Variants in SUFU observed in about 807,000 individuals in gnomAD.
SUFU encodes suppressor of fused homolog.
Under a neutral mutation model 58.9 loss-of-function variants are expected in SUFU, and 7 were observed. The observed-to-expected ratio is 0.12, with a 90% CI of 0.07 to 0.22. The LOEUF (loss-of-function observed/expected upper bound fraction) is 0.22. Among genes scored for constraint, SUFU ranks in the 10% least tolerant of loss-of-function variants. The pLI is 1.00. For missense variants in SUFU, 451 were observed against 641.3 expected (o/e 0.70, Z 3.20); for synonymous variants, 232 against 254.8 (o/e 0.91, Z 0.85).
intron 2 of SUFU, among the ~76,000 whole-genome samples, chr10:102,528,961 C>CTT (rs33942579): frequency 0.23 from 29,889 of 130,928 alleles, 3,627 homozygotes; most frequent in South Asian, 0.32. Flanking sequence ...TTTTTCCTTT[C>CTT]TTTTTTTTTT....
chr10:102,592,286 A>G (rs2063410555), intron 3 of SUFU, among the ~76,000 whole-genome samples: 1 of 152,178 alleles, frequency 6.6e-6, no homozygotes, highest in East Asian at 1.9e-4. Flanking sequence ...GAGTCGGGAT[A>G]TTGGGGAAGC....
At chr10:102,559,568 T>A (rs2063014838) in intron 3 of SUFU, among the ~76,000 whole-genome samples, 1 of 152,236 alleles carries the variant, frequency 6.6e-6, no homozygotes, top group South Asian at 2.1e-4. Flanking sequence ...ATCAGTAACT[T>A]CACCAGTAGA....
rs976251995 is a variant in SUFU at position 102,630,405 on chromosome 10, C to A, written c.*250C>A. On this transcript the variant is annotated 3_prime_UTR_variant, in exon 12 of 12. Transcript: ENST00000369902. ...CATCAGGCCAGTGAGTGGGCAAATG[C>A]GGACCCTCCCTGCCTGCAGCCTGCA... 1.8e-6 allele frequency: 1 copy of A among 550,760 alleles called. No individual in the cohort carries two copies. 34.1% of individuals were successfully genotyped at this position (550,760 alleles called of 1,614,324 possible).
At chr10:102,535,355 A>G (rs369282300) in intron 2 of SUFU, among the ~76,000 whole-genome samples, 18 of 152,108 alleles carry the variant, frequency 1.2e-4, no homozygotes, top group South Asian at 8.3e-4. Flanking sequence ...GCATGGTGGC[A>G]CACGCCTGTA....
chr10:102,509,389 C>G, intron 2 of SUFU, 86 bp downstream of exon 2: 22 of 1,561,724 alleles, frequency 1.4e-5, no homozygotes, highest in Non-Finnish European at 1.7e-5. Flanking sequence ...GTGCTGTGAG[C>G]ATGGTACTTC....
chr10:102,624,638 A>G (rs1216011195), intron 10 of SUFU, among the ~76,000 whole-genome samples: 2 of 152,024 alleles, frequency 1.3e-5, no homozygotes, highest in African/African-American at 4.8e-5. Context: ...CCCTCCCCCA[A>G]CCGAGTCCAA....
intron 2 of SUFU, among the ~76,000 whole-genome samples, chr10:102,513,725 G>A (rs1411798365): frequency 1.3e-5 from 2 of 152,080 alleles, no homozygotes; most frequent in Non-Finnish European, 2.9e-5. Context: ...AGCCTGACGC[G>A]GTACCAACAA....
chr10:102,593,662 A>C lies in SUFU; in HGVS notation c.624A>C (p.Leu208=), dbSNP rs761722899. 1 of 1,614,170 alleles carries C rather than the reference A, an allele frequency of 6.2e-7. No individual in the cohort carries two copies. Among genetic ancestry groups the C allele is most frequent in the Non-Finnish European group, 8.5e-7 (1 of 1,180,012 alleles). The part of the protein sequence containing the change: ...LQIVGVCTEE[L]HSAQQWNGQG... ...TCGTTGGTGTCTGCACTGAAGAGCTACACTCAGCCCAGCAGTGGAACGGGC... is the reference window on the plus strand; with the variant it reads ...TCGTTGGTGTCTGCACTGAAGAGCTCCACTCAGCCCAGCAGTGGAACGGGC... The change falls in exon 5 of 12, where the codon CTA becomes CTC. Residue 208 remains leucine (L), a synonymous_variant. Transcript: ENST00000369902.
chr10:102,621,224 G>A (rs2063737496), intron 10 of SUFU, among the ~76,000 whole-genome samples: 1 of 152,192 alleles, frequency 6.6e-6, no homozygotes, highest in Admixed American at 6.5e-5. Flanking sequence ...CTCCTTCCAC[G>A]GGTGAACCCA....
chr10:102,610,678 TG>T (rs1313446680), intron 8 of SUFU, among the ~76,000 whole-genome samples: 1 of 152,206 alleles, frequency 6.6e-6, no homozygotes, highest in Non-Finnish European at 1.5e-5. Flanking sequence ...AATCAAAGCC[TG>T]GGATGAGAAC....
At chr10:102,519,137 C>CAA (rs386372286) in intron 2 of SUFU, among the ~76,000 whole-genome samples, 42,861 of 86,134 alleles carry the variant, frequency 0.5, 10,037 homozygotes, top group Middle Eastern at 0.6. Context: ...GACTCTGTCT[C>CAA]AAAAAAAAAA....
At position 102,628,898 on chromosome 10, in the gene SUFU, G is replaced by A. The variant is rs574168788; in HGVS notation, c.1366-1168G>A. ...GGGCCGGGCGCAGTGACTCATGTCT[G>A]TAATCCCAGCACTTTGGGAGGCCGA... On this transcript the variant is annotated intron_variant, in intron 11 of 11. Transcript: ENST00000369902. The surrounding 1 kb of genome is among the most constrained non-coding windows in gnomAD (Gnocchi z 4.5). Among the ~76,000 whole-genome samples the A allele has an allele frequency of 2.0e-5, 3 of 152,220 alleles. No individual in the cohort carries two copies. In the South Asian group the frequency reaches 6.2e-4, roughly 32 times the overall value.
At chr10:102,545,368 A>G (rs1429087965) in intron 2 of SUFU, among the ~76,000 whole-genome samples, 1 of 147,010 alleles carries the variant, frequency 6.8e-6, no homozygotes, top group Admixed American at 7.0e-5. Flanking sequence ...TCCTCGGCTC[A>G]AGTGGTCCAT....
chr10:102,545,380 C>T (rs1590014877), intron 2 of SUFU, among the ~76,000 whole-genome samples: 1 of 150,982 alleles, frequency 6.6e-6, no homozygotes, highest in African/African-American at 2.4e-5. Context: ...GTGGTCCATC[C>T]ACCTCGGTCC....
In SUFU at chr10:102,633,510, G is replaced by A. The variant is rs886108912; in HGVS notation, c.*3355G>A. On this transcript the variant is annotated 3_prime_UTR_variant, in exon 12 of 12. Transcript: ENST00000369902. ...CCTGAAGTAGTGGAGCCGGAAGCCC[G>A]GGGCCCTGGCAGAGGGAGTGGGTTG... 5.2e-5 allele frequency: 11 copies of A among 211,024 alleles called. No homozygotes were observed. Among genetic ancestry groups the A allele is most frequent in the African/African-American group, 1.8e-4 (8 of 44,038 alleles). 13.1% of individuals were successfully genotyped at this position (211,024 alleles called of 1,614,324 possible).
intron 2 of SUFU, among the ~76,000 whole-genome samples, chr10:102,525,953 G>C (rs1170003496): frequency 1.3e-5 from 2 of 152,176 alleles, no homozygotes; most frequent in African/African-American, 2.4e-5. Context: ...TATAGTTTTA[G>C]ATAGTACAAG....
intron 2 of SUFU, among the ~76,000 whole-genome samples, chr10:102,511,508 T>C (rs1461384354): frequency 2.6e-5 from 4 of 152,196 alleles, no homozygotes; most frequent in African/African-American, 7.2e-5. Context: ...AAGATGATGA[T>C]AGCCTTTTTT....
chr10:102,615,156 A>G, intron 8 of SUFU, 112 bp from the exon 9 acceptor site: 2 of 1,483,256 alleles, frequency 1.3e-6, no homozygotes, highest in Non-Finnish European at 1.9e-6. Context: ...CATCATTATC[A>G]TCAGTCACCA....
chr10:102,630,317 C>A lies in SUFU; in HGVS notation c.*162C>A. The stretch of plus-strand genomic sequence containing the variant: ...CCAGTGGGGTGCCATGCACAGGCCA[C>A]AGGCCCTCCACCTCACCTCCAGCTC... On this transcript the variant is annotated 3_prime_UTR_variant, in exon 12 of 12. Coordinates refer to ENST00000369902, the MANE Select transcript of SUFU (RefSeq NM_016169.4). 1 of 683,188 alleles carries A rather than the reference C, an allele frequency of 1.5e-6. No individual in the cohort carries two copies. Among genetic ancestry groups the A allele is most frequent in the Non-Finnish European group, 2.6e-6 (1 of 387,942 alleles). The allele number at this position is 683,188 out of a possible 1,614,324, so 42.3% of individuals were successfully genotyped here.
Sources: gnomAD v4.1 joint callset for allele counts (sites outside exome capture counted in the v4.1 genomes callset) on GRCh38, gnomAD v4.1.1 for gene constraint, Gnocchi (gnomAD v3.1) non-coding constraint, MANE v1.5 for transcripts, NCBI Gene and HGNC (gene_info 2026-07-23, HGNC 2026-07-21) for gene names.